Variants in CSMD2 observed in about 807,000 individuals in gnomAD.
CSMD2 encodes CUB and Sushi multiple domains 2, also known as CUB and sushi domain-containing protein 2.
Under a neutral mutation model 398.5 loss-of-function variants are expected in CSMD2, and 130 were observed. The observed-to-expected ratio is 0.33, with a 90% CI of 0.28 to 0.38. The LOEUF (loss-of-function observed/expected upper bound fraction) is 0.38, where lower values mean the gene tolerates loss of function less well. Ranked by LOEUF, CSMD2 falls within the 10% of genes least tolerant of loss-of-function variation. The pLI is 1.00. For synonymous variants in CSMD2, 1,828 were observed against 1,908.5 expected (o/e 0.96, Z 1.10); for missense variants, 3,829 against 4,764.9 (o/e 0.80, Z 5.78).
At chr1:34,053,524 T>G (rs1025515680) in intron 2 of CSMD2, among the ~76,000 whole-genome samples, 1 of 152,204 alleles carries the variant, frequency 6.6e-6, no homozygotes, top group Admixed American at 6.5e-5. Context: ...TGCGGTGCTC[T>G]ACTACCCTAG....
At chr1:33,590,133 T>G (rs1454922817) in intron 44 of CSMD2, among the ~76,000 whole-genome samples, 1 of 20,006 alleles carries the variant, frequency 5.0e-5, no homozygotes, top group Non-Finnish European at 8.6e-5. Flanking sequence ...AAAACTAGGT[T>G]TTTTTTTTTT....
chr1:33,968,379 C>T (rs755630691), intron 3 of CSMD2, among the ~76,000 whole-genome samples: 12 of 152,168 alleles, frequency 7.9e-5, no homozygotes, highest in Non-Finnish European at 1.8e-4. Flanking sequence ...TCTTGTATTC[C>T]CATCCCCTTT....
intron 1 of CSMD2, among the ~76,000 whole-genome samples, chr1:34,095,625 C>T (rs912281467): frequency 1.5e-3 from 226 of 151,992 alleles, no homozygotes; most frequent in African/African-American, 5.3e-3. Context: ...GAGAATACTA[C>T]AAACACCTCT....
chr1:33,812,158 T>C (rs1656935757), intron 9 of CSMD2, among the ~76,000 whole-genome samples: 1 of 152,148 alleles, frequency 6.6e-6, no homozygotes, highest in Non-Finnish European at 1.5e-5. Context: ...GTGCCTACTA[T>C]GGGCCAGGAA....
chr1:33,786,420 C>G (rs1006895676), intron 12 of CSMD2, among the ~76,000 whole-genome samples: 1 of 152,150 alleles, frequency 6.6e-6, no homozygotes, highest in East Asian at 1.9e-4. Context: ...GGGCTTGGAC[C>G]TGAATCAAGG....
intron 29 of CSMD2, among the ~76,000 whole-genome samples, chr1:33,637,064 C>G (rs1178708700): frequency 6.6e-6 from 1 of 152,226 alleles, no homozygotes; most frequent in Non-Finnish European, 1.5e-5. Flanking sequence ...TTTGGAGATG[C>G]TCTTTCTCTT....
intron 1 of CSMD2, among the ~76,000 whole-genome samples, chr1:34,144,330 T>A (rs1384041926): frequency 6.6e-6 from 1 of 152,246 alleles, no homozygotes; most frequent in East Asian, 1.9e-4. Flanking sequence ...TCCCAGTCCA[T>A]GCTCCAGAGG....
chr1:33,984,156 C>T (rs1025834139), intron 3 of CSMD2, among the ~76,000 whole-genome samples: 1 of 100,310 alleles, frequency 1.0e-5, no homozygotes, highest in Non-Finnish European at 1.8e-5. Flanking sequence ...TCTGTCTCCC[C>T]CCACCAAAAA....
intron 3 of CSMD2, among the ~76,000 whole-genome samples, chr1:33,999,130 G>A (rs1278351058): frequency 1.3e-5 from 2 of 152,142 alleles, no homozygotes; most frequent in Admixed American, 6.6e-5. Flanking sequence ...ACTTATCTAA[G>A]TCCTTTTGTG....
chr1:34,129,080 A>C (rs1663058300), intron 1 of CSMD2, among the ~76,000 whole-genome samples: 1 of 151,152 alleles, frequency 6.6e-6, no homozygotes, highest in Non-Finnish European at 1.5e-5. Flanking sequence ...ACGTGGCTGC[A>C]TGCCCACCCT....
At chr1:33,520,154 T>C (rs912577602) in intron 68 of CSMD2, among the ~76,000 whole-genome samples, 4 of 152,224 alleles carry the variant, frequency 2.6e-5, no homozygotes, top group Non-Finnish European at 5.9e-5. Flanking sequence ...GGGTCCTGCA[T>C]GCATCTACCT....
At chr1:33,565,565 G>C (rs1045292593) in intron 53 of CSMD2, among the ~76,000 whole-genome samples, 2 of 151,878 alleles carry the variant, frequency 1.3e-5, no homozygotes, top group African/African-American at 2.4e-5. Context: ...TGACAGAAGA[G>C]GGTACTACTA....
At chr1:33,553,025 T>A (rs1336627194) in intron 55 of CSMD2, among the ~76,000 whole-genome samples, 1 of 152,170 alleles carries the variant, frequency 6.6e-6, no homozygotes, top group East Asian at 1.9e-4. Flanking sequence ...AAAATCACAA[T>A]TACATGCTTT....
chr1:33,610,977 G>C, intron 41 of CSMD2, 64 bp downstream of exon 41: 1 of 1,484,132 alleles, frequency 6.7e-7, no homozygotes, highest in Non-Finnish European at 9.3e-7. Context: ...GGCTGGGAAG[G>C]TGGGTGGCTG....
chr1:33,991,227 G>T (rs11585918), intron 3 of CSMD2, among the ~76,000 whole-genome samples: 1 of 151,952 alleles, frequency 6.6e-6, no homozygotes, highest in African/African-American at 2.4e-5. Flanking sequence ...AGCTGGCATG[G>T]AACTCCTGGC....
intron 2 of CSMD2, among the ~76,000 whole-genome samples, chr1:34,033,067 A>T (rs1650662633): frequency 6.6e-6 from 1 of 152,234 alleles, no homozygotes; most frequent in African/African-American, 2.4e-5. Flanking sequence ...TTGCCAGTAG[A>T]CAATATTTAT....
chr1:33,879,802 G>T (rs1264196764), intron 5 of CSMD2, among the ~76,000 whole-genome samples: 1 of 152,136 alleles, frequency 6.6e-6, no homozygotes, highest in Non-Finnish European at 1.5e-5. Context: ...TCCGTGTAAA[G>T]GGTGAATTAA....
chr1:33,707,695 G>GCACACACACACACACA (rs200504764), intron 22 of CSMD2, among the ~76,000 whole-genome samples: 7 of 92,028 alleles, frequency 7.6e-5, no homozygotes, highest in Non-Finnish European at 1.5e-4. Flanking sequence ...GCGCGCGCGC[G>GCACACACACACACACA]CACACACACA....
intron 55 of CSMD2, among the ~76,000 whole-genome samples, chr1:33,551,452 G>C (rs1657436239): frequency 6.6e-6 from 1 of 152,188 alleles, no homozygotes; most frequent in Admixed American, 6.5e-5. Flanking sequence ...ATAATGTCTT[G>C]GAGTCTGGTA....
Sources: gnomAD v4.1 joint callset for allele counts (sites outside exome capture counted in the v4.1 genomes callset) on GRCh38, gnomAD v4.1.1 for gene constraint, MANE v1.5 for transcripts, NCBI Gene and HGNC (gene_info 2026-07-23, HGNC 2026-07-21) for gene names.